The following KIAA1549 variants were observed in gnomAD, a reference collection of about 807,000 sequenced individuals.
KIAA1549 encodes UPF0606 protein KIAA1549.
A neutral mutation model predicts 156.4 loss-of-function variants in KIAA1549; 70 were observed. The ratio of observed to expected loss-of-function variants is 0.45; its 90% CI spans 0.37 to 0.55. The LOEUF (loss-of-function observed/expected upper bound fraction) is 0.55. Ranked by LOEUF, KIAA1549 falls within the 20% of genes least tolerant of loss-of-function variation. KIAA1549 has a pLI of 0.00. For missense variants in KIAA1549, 2,428 were observed against 2,540.9 expected (o/e 0.96, Z 0.96); for synonymous variants, 1,103 against 1,066.4 (o/e 1.03, Z -0.67).
intron 1 of KIAA1549, among the ~76,000 whole-genome samples, chr7:138,923,185 AT>A (rs1421806834): frequency 2.0e-5 from 3 of 152,224 alleles, no homozygotes; most frequent in African/African-American, 7.2e-5. Context: ...CTATCAAGAC[AT>A]TTTCAGCTTA....
Position 138,837,742 on chromosome 7 carries a change from T to A in KIAA1549, c.*164A>T, listed in dbSNP as rs977496950. On this transcript the variant is annotated 3_prime_UTR_variant, in exon 20 of 20. Transcript: ENST00000422774. ...CCAGCCCAGTGAAAGGCTCATGAGC[T>A]GTCACACGACGTATGGCATCTTCTA... is the stretch of plus-strand genomic sequence containing the variant. 1.2e-5 allele frequency: 8 copies of A among 685,428 alleles called. No homozygotes were observed. In the Admixed American group the frequency reaches 1.2e-4, roughly 10 times the overall value. The allele number at this position is 685,428 out of a possible 1,614,324, so 42.5% of individuals were successfully genotyped here.
chr7:138,874,108 T>C (rs1047565824), intron 12 of KIAA1549, among the ~76,000 whole-genome samples: 1 of 148,544 alleles, frequency 6.7e-6, no homozygotes, highest in African/African-American at 2.4e-5. Context: ...AATTATATAA[T>C]ATATATTATT....
intron 12 of KIAA1549, among the ~76,000 whole-genome samples, chr7:138,875,548 G>A (rs1260842838): frequency 6.6e-6 from 1 of 152,128 alleles, no homozygotes; most frequent in African/African-American, 2.4e-5. Flanking sequence ...AGGAGGCTGA[G>A]GTGAGAGGAC....
intron 15 of KIAA1549, 81 bp from the exon 16 acceptor site, chr7:138,861,537 AG>A (rs2130367107): frequency 1.8e-6 from 2 of 1,111,908 alleles, no homozygotes; most frequent in Non-Finnish European, 2.6e-6. Flanking sequence ...ATTGAGGAAA[AG>A]TTCTATCATA....
intron 1 of KIAA1549, among the ~76,000 whole-genome samples, chr7:138,952,260 C>CAA (rs1410389026): frequency 1.3e-5 from 2 of 152,164 alleles, no homozygotes; most frequent in African/African-American, 2.4e-5. Context: ...GCAAAGCTTT[C>CAA]AAAAACAATG....
intron 1 of KIAA1549, among the ~76,000 whole-genome samples, chr7:138,977,992 G>A (rs1187635578): frequency 6.6e-6 from 1 of 152,166 alleles, no homozygotes; most frequent in African/African-American, 2.4e-5. Flanking sequence ...GAGCCAGCGC[G>A]CATGGCCAGC....
chr7:138,842,395 A>T (rs1330766984), intron 18 of KIAA1549, among the ~76,000 whole-genome samples: 2 of 152,208 alleles, frequency 1.3e-5, no homozygotes, highest in Non-Finnish European at 2.9e-5. Flanking sequence ...AGGAATAAAA[A>T]ATCTACCTCA....
At chr7:138,869,870 G>T in intron 13 of KIAA1549, 109 bp from the exon 14 acceptor site, 1 of 823,976 alleles carries the variant, frequency 1.2e-6, no homozygotes, top group Non-Finnish European at 1.9e-6. Flanking sequence ...ATTTATTTGA[G>T]ACAGAGTCTC....
chr7:138,891,685 G>A (rs1811551725), intron 10 of KIAA1549, among the ~76,000 whole-genome samples: 2 of 152,270 alleles, frequency 1.3e-5, no homozygotes, highest in African/African-American at 2.4e-5. Context: ...CCAGATGTTT[G>A]CAGCTCTGGG....
intron 16 of KIAA1549, among the ~76,000 whole-genome samples, chr7:138,854,979 GAAAC>G (rs1584705311): frequency 6.6e-6 from 1 of 152,284 alleles, no homozygotes; most frequent in Non-Finnish European, 1.5e-5. Context: ...GGTCAAGGGG[GAAAC>G]AAACAAACAA....
chr7:138,910,096 T>C (rs1812124537), intron 4 of KIAA1549, among the ~76,000 whole-genome samples: 1 of 151,824 alleles, frequency 6.6e-6, no homozygotes, highest in Non-Finnish European at 1.5e-5. Flanking sequence ...GGAGGGGAAG[T>C]AGATAGTAGA....
chr7:138,966,437 T>C (rs1814027690), intron 1 of KIAA1549, among the ~76,000 whole-genome samples: 1 of 151,888 alleles, frequency 6.6e-6, no homozygotes, highest in Non-Finnish European at 1.5e-5. Flanking sequence ...AGTATTAAAC[T>C]CACACAATCC....
chr7:138,856,724 C>G (rs1313197143), intron 16 of KIAA1549, among the ~76,000 whole-genome samples: 1 of 152,198 alleles, frequency 6.6e-6, no homozygotes, highest in Non-Finnish European at 1.5e-5. Context: ...TCTGTTACTA[C>G]TCAGCCAGAA....
rs1435117068 is a variant in KIAA1549, at chr7:138,917,950, G to A, written c.1676C>T (p.Ser559Leu). The A allele has an allele frequency of 6.3e-6, 10 of 1,592,604 alleles. No homozygotes were observed. The highest frequency in any genetic ancestry group is 2.7e-5 in the African/African-American group (2 of 74,542). Residue 559 changes from serine to leucine, a missense_variant, in exon 2 of 20, where the codon TCG becomes TTG. This residue lies in a region of KIAA1549 where 893 missense variants were observed against 847.9 expected (regional missense o/e 1.05). Transcript: ENST00000422774. ...TPSSVTTAFFSVITSILLDSS... is the reference protein window; with the variant it reads ...TPSSVTTAFFLVITSILLDSS... ...GTCAAGGAGAATGCTGGTGATGACC[G>A]AGAAAAATGCAGTGGTCACGCTGGA...
chr7:138,860,817 C>T (rs2130365292), intron 16 of KIAA1549, among the ~76,000 whole-genome samples: 1 of 152,248 alleles, frequency 6.6e-6, no homozygotes, highest in East Asian at 1.9e-4. Context: ...GACGGTTACC[C>T]CACCTCCATT....
chr7:138,975,818 T>G (rs1050724728), intron 1 of KIAA1549, among the ~76,000 whole-genome samples: 1 of 152,188 alleles, frequency 6.6e-6, no homozygotes, highest in African/African-American at 2.4e-5. Flanking sequence ...ATGACGGTAA[T>G]TAGCTGCCTC....
At chr7:138,943,479 G>C (rs1813243669) in intron 1 of KIAA1549, among the ~76,000 whole-genome samples, 1 of 152,180 alleles carries the variant, frequency 6.6e-6, no homozygotes, top group Non-Finnish European at 1.5e-5. Context: ...AAAATAAGCT[G>C]TATATGTTTA....
rs185990437 is a variant in KIAA1549 at position 138,837,542 on chromosome 7, A to G, written c.*364T>C. ...ACACGTACCAGTCTCAATCCCACAGAAACGCTTGGTTCCTTTCATCCCTAT... is the reference window on the plus strand; with the variant it reads ...ACACGTACCAGTCTCAATCCCACAGGAACGCTTGGTTCCTTTCATCCCTAT... On this transcript the variant is annotated 3_prime_UTR_variant, in exon 20 of 20. Transcript: ENST00000422774. The G allele has an allele frequency of 5.8e-4, 211 of 365,034 alleles. No individual in the cohort carries two copies. Among genetic ancestry groups the G allele is most frequent in the Non-Finnish European group, 8.0e-4 (163 of 203,746 alleles). 22.6% of individuals were successfully genotyped at this position (365,034 alleles called of 1,614,324 possible).
intron 1 of KIAA1549, among the ~76,000 whole-genome samples, chr7:138,935,104 A>G (rs1033767088): frequency 6.6e-6 from 1 of 152,188 alleles, no homozygotes; most frequent in Non-Finnish European, 1.5e-5. Context: ...TAGTGACCTC[A>G]CCCAAACATA....
Sources: allele counts gnomAD v4.1 joint callset (sites outside exome capture counted in the v4.1 genomes callset), GRCh38; gene constraint gnomAD v4.1.1; regional missense constraint gnomAD v4.1.1; transcripts MANE v1.5; gene names NCBI Gene and HGNC (gene_info 2026-07-23, HGNC 2026-07-21).